PIWIL1: variants seen among roughly 807,000 people sequenced by gnomAD.
PIWIL1 encodes piwi like RNA-mediated gene silencing 1, also known as piwi-like protein 1.
A neutral mutation model predicts 114.4 loss-of-function variants in PIWIL1; 73 were observed. That is an observed-to-expected ratio of 0.64 (90% CI 0.53 to 0.78). PIWIL1 has a LOEUF of 0.78. Among genes scored for constraint, PIWIL1 ranks in the 30% least tolerant of loss-of-function variants. The pLI is 0.00. For missense variants in PIWIL1, 723 were observed against 1,063.1 expected, an observed-to-expected ratio of 0.68 and a Z score of 4.45; for synonymous variants, 375 against 369.0, an observed-to-expected ratio of 1.02 and a Z score of -0.19.
At chr12:130,376,260 T>C (rs1371876751), downstream of PIWIL1, among the ~76,000 whole-genome samples, 1 of 152,236 alleles carries the variant, frequency 6.6e-6, no homozygotes, top group Non-Finnish European at 1.5e-5. Flanking sequence ...ATGTGAATTA[T>C]ATCTGTTGAT....
the PIWIL1 span, among the ~76,000 whole-genome samples, chr12:130,417,887 G>A: frequency 6.6e-6 from 1 of 152,050 alleles, no homozygotes; most frequent in African/African-American, 2.4e-5. Flanking sequence ...GGAACTGACA[G>A]ATAATATTGG....
chr12:130,383,569 A>G, the PIWIL1 span: 2 of 152,218 alleles, frequency 1.3e-5, no homozygotes, highest in Admixed American at 6.5e-5. Context: ...AGCGCGGCCC[A>G]AAGAGTATGT....
intron 19 of PIWIL1, among the ~76,000 whole-genome samples, chr12:130,369,526 G>A (rs992290886): frequency 9.0e-5 from 3 of 33,198 alleles, no homozygotes; most frequent in Non-Finnish European, 2.2e-4. Flanking sequence ...GTGTAAAAGT[G>A]TTCCTATTTC....
chr12:130,392,079 GGA>G, the PIWIL1 span, among the ~76,000 whole-genome samples: 1,680 of 122,206 alleles, frequency 0.014, 10 homozygotes, highest in Non-Finnish European at 0.021. Context: ...GTCATCACGT[GGA>G]TGCATCAGTT....
At chr12:130,410,714 A>G in the PIWIL1 span, among the ~76,000 whole-genome samples, 1 of 152,182 alleles carries the variant, frequency 6.6e-6, no homozygotes, top group East Asian at 1.9e-4. Context: ...CCATTAATCT[A>G]TGTTTCTATC....
At chr12:130,386,562 C>T in the PIWIL1 span, among the ~76,000 whole-genome samples, 1 of 60,620 alleles carries the variant, frequency 1.6e-5, no homozygotes, top group Admixed American at 1.4e-4. Flanking sequence ...CTCCATTCAC[C>T]CATGCACACC....
intron 18 of PIWIL1, chr12:130,366,739 A>G (rs1366456636): frequency 6.1e-6 from 1 of 164,936 alleles, no homozygotes; most frequent in Non-Finnish European, 1.3e-5. Context: ...CACTACTTAA[A>G]TCCACTTACC....
At chr12:130,391,808 C>T in the PIWIL1 span, among the ~76,000 whole-genome samples, 4 of 152,094 alleles carry the variant, frequency 2.6e-5, no homozygotes, top group Admixed American at 1.3e-4. Context: ...TGGGGGCATG[C>T]GTAAGGGGTC....
chr12:130,374,840 C>T (rs920662211), downstream of PIWIL1, among the ~76,000 whole-genome samples: 2 of 152,224 alleles, frequency 1.3e-5, no homozygotes, highest in Non-Finnish European at 2.9e-5. Context: ...TCAACTTTTC[C>T]TGTGTCCTCT....
At chr12:130,349,029 TAC>T (rs1473252882) in intron 7 of PIWIL1, among the ~76,000 whole-genome samples, 1 of 152,264 alleles carries the variant, frequency 6.6e-6, no homozygotes, top group Non-Finnish European at 1.5e-5. Context: ...ATAAAGTTAG[TAC>T]ATTCATTTAA....
the PIWIL1 span, chr12:130,422,667 C>T: frequency 1.3e-6 from 1 of 753,950 alleles, no homozygotes; most frequent in Non-Finnish European, 2.2e-6. This position sits in a 1 kb window ranked among gnomAD's most constrained non-coding sequence, Gnocchi z 5.2. Context: ...GTAAAGGCAA[C>T]TAAACTTAGC....
chr12:130,363,143 A>G lies in PIWIL1; in HGVS notation c.2194A>G (p.Asn732Asp), dbSNP rs2073560076. The G allele has an allele frequency of 6.2e-7, 1 of 1,613,020 alleles. No homozygotes were observed. Among genetic ancestry groups the G allele is most frequent in the African/African-American group, 1.3e-5 (1 of 74,918 alleles). ...DCLKSIGRGY[N>D]PRLTVIVVKK... ...TCTAAAATCCATTGGTAGAGGTTAC[A>G]AGTAAGCATGCAAATTGTAAAGCAT... is the stretch of plus-strand genomic sequence containing the variant. The change falls in exon 18 of 21, where the codon AAC becomes GAC. Residue 732 changes from asparagine to aspartate, a missense_variant and splice_region_variant. This residue lies in a region of PIWIL1 where 106 missense variants were observed against 182.8 expected (regional missense o/e 0.58). Transcript: ENST00000245255.
At chr12:130,378,749 GTT>G in the PIWIL1 span, among the ~76,000 whole-genome samples, 1 of 152,092 alleles carries the variant, frequency 6.6e-6, no homozygotes, top group Non-Finnish European at 1.5e-5. Context: ...CATGTTGGCC[GTT>G]CTTACATCTT....
the PIWIL1 span, among the ~76,000 whole-genome samples, chr12:130,394,772 ATAGT>A: frequency 1.4e-5 from 2 of 144,702 alleles, no homozygotes; most frequent in Admixed American, 7.0e-5. Flanking sequence ...GTTTAAGCAA[ATAGT>A]TTATTTGAAA....
rs755571353 is a variant in PIWIL1 at position 130,342,637 on chromosome 12, C to T, written c.46C>T (p.Gln16Ter). Residue 16 changes from glutamine (Q) to a stop codon, truncating the protein, a stop_gained, in exon 2 of 21, where the codon CAG (glutamine) becomes TAG (stop). Transcript: ENST00000245255. LOFTEE classifies it high-confidence loss of function. ...RARARGRARG[Q>*]ETAQLVGSTA... is the part of the protein sequence containing the mutation. ...CAGAGCCAGAGGAAGGGCCCGCGGT[C>T]AGGAGACAGCGCAGCTGGTGGGCTC... 1 of 1,613,932 alleles carries T rather than the reference C, an allele frequency of 6.2e-7. No individual in the cohort carries two copies. Among genetic ancestry groups the T allele is most frequent in the South Asian group, 1.1e-5 (1 of 91,014 alleles).
chr12:130,377,830 C>T, the PIWIL1 span, among the ~76,000 whole-genome samples: 5 of 152,204 alleles, frequency 3.3e-5, no homozygotes, highest in Non-Finnish European at 5.9e-5. Flanking sequence ...CATCTGGCCT[C>T]ATGATTTGCT....
intron 19 of PIWIL1, 32 bp from the exon 20 acceptor site, chr12:130,371,144 T>C (rs765143444): frequency 6.2e-7 from 1 of 1,602,086 alleles, no homozygotes; most frequent in Non-Finnish European, 8.6e-7. Context: ...ATTTTAGTTT[T>C]CAGCACATCC....
At chr12:130,377,039 C>G (rs117023001), downstream of PIWIL1, among the ~76,000 whole-genome samples, 20 of 152,310 alleles carry the variant, frequency 1.3e-4, no homozygotes, top group East Asian at 1.9e-3. Context: ...GTGACCACCC[C>G]CTGTGAGCGT....
the PIWIL1 span, chr12:130,425,583 C>T: frequency 6.6e-6 from 1 of 152,512 alleles, no homozygotes; most frequent in African/African-American, 2.4e-5. Context: ...GTGGGTGGCA[C>T]AGAGCTGGCC....
Sources: gnomAD v4.1 joint callset for allele counts (sites outside exome capture counted in the v4.1 genomes callset) on GRCh38, gnomAD v4.1.1 for gene constraint, gnomAD v4.1.1 regional missense constraint, Gnocchi (gnomAD v3.1) non-coding constraint, MANE v1.5 for transcripts, NCBI Gene and HGNC (gene_info 2026-07-23, HGNC 2026-07-21) for gene names.